The following CPM variants were observed in gnomAD, a reference collection of about 807,000 sequenced individuals.
CPM encodes renal carboxypeptidase.
Under a neutral mutation model 46.4 loss-of-function variants are expected in CPM, and 35 were observed. The ratio of observed to expected loss-of-function variants is 0.75; its 90% confidence interval spans 0.58 to 1.00. The LOEUF (loss-of-function observed/expected upper bound fraction) is 1.00. CPM is among the 50% of genes least tolerant of loss of function. The probability of loss-of-function intolerance (pLI) is 0.00; values close to 1 mark genes in which losing one functional copy is unlikely to be tolerated. For synonymous variants in CPM, 195 were observed against 195.3 expected, an observed-to-expected ratio of 1.00 and a Z score of 0.01; for missense variants, 422 against 530.4, an observed-to-expected ratio of 0.80 and a Z score of 2.01.
intron 2 of CPM, among the ~76,000 whole-genome samples, chr12:68,893,388 G>A (rs1886737713): frequency 6.6e-6 from 1 of 152,170 alleles, no homozygotes; most frequent in South Asian, 2.1e-4. Flanking sequence ...CCTCTAGCCT[G>A]CCCCAGGTCA....
At chr12:68,880,524 C>A (rs1886143347) in intron 3 of CPM, among the ~76,000 whole-genome samples, 1 of 152,158 alleles carries the variant, frequency 6.6e-6, no homozygotes, top group African/African-American at 2.4e-5. Flanking sequence ...AACTTAGTAT[C>A]CATCCCAGTG....
rs34696352 is a variant in CPM at position 68,883,933 on chromosome 12, T to TAA, written c.258+1857_258+1858dup. Among the ~76,000 whole-genome samples the TAA allele has an allele frequency of 2.8e-3, 383 of 136,682 alleles. 2 individuals carry two copies. The highest frequency in any genetic ancestry group is 9.8e-3 in the African/African-American group (355 of 36,190). 89.7% of individuals were successfully genotyped at this position (136,682 alleles called of 152,430 possible). A position where few individuals can be genotyped will look rare whatever the true frequency, so the allele number is the denominator to read the frequency against. On this transcript the variant is annotated intron_variant, in intron 3 of 8. Transcript: ENST00000551568. ...AAAATGGTGAAACCCCCATCTCTAC[T>TAA]AAAAAAAAAAAAAAATACAAAAAAA... is the stretch of plus-strand genomic sequence containing the variant.
chr12:68,874,499 C>T (rs915530424), intron 3 of CPM, among the ~76,000 whole-genome samples: 1 of 151,892 alleles, frequency 6.6e-6, no homozygotes, highest in Non-Finnish European at 1.5e-5. Context: ...GACTGTAATC[C>T]CCACTACTCA....
At chr12:68,885,321 T>C (rs1886381338) in intron 3 of CPM, among the ~76,000 whole-genome samples, 1 of 152,170 alleles carries the variant, frequency 6.6e-6, no homozygotes, top group Non-Finnish European at 1.5e-5. Flanking sequence ...ACAATGAGTG[T>C]TAGATTTAAG....
intron 1 of CPM, among the ~76,000 whole-genome samples, chr12:68,958,537 A>C (rs1361584898): frequency 1.3e-5 from 2 of 151,998 alleles, no homozygotes; most frequent in South Asian, 4.2e-4. Flanking sequence ...AATGCAATAC[A>C]TCAGGAAGTT....
chr12:68,899,651 T>C (rs1409530034), intron 2 of CPM, among the ~76,000 whole-genome samples: 1 of 152,204 alleles, frequency 6.6e-6, no homozygotes, highest in Non-Finnish European at 1.5e-5. Context: ...TGGTTCAATA[T>C]GAATCGGTCA....
At chr12:68,935,548 C>T (rs1040230053), upstream of CPM, among the ~76,000 whole-genome samples, 3 of 152,118 alleles carry the variant, frequency 2.0e-5, no homozygotes, top group Admixed American at 6.5e-5. Context: ...GCCTCAGCCT[C>T]CCAAAGTGCT....
chr12:68,908,462 T>A (rs896074115), intron 2 of CPM, among the ~76,000 whole-genome samples: 2 of 151,766 alleles, frequency 1.3e-5, no homozygotes, highest in Non-Finnish European at 2.9e-5. Flanking sequence ...TGCAAACTCC[T>A]GGGCCCACCC....
chr12:68,874,183 C>A (rs1371230277), intron 3 of CPM, among the ~76,000 whole-genome samples: 5 of 152,196 alleles, frequency 3.3e-5, no homozygotes, highest in Admixed American at 3.3e-4. Context: ...ACTTGTACAC[C>A]CCACTGGGTT....
chr12:68,853,939 G>T lies in CPM; in HGVS notation c.*2498C>A, dbSNP rs986619797. 6.6e-6 allele frequency: 1 copy of T among 151,876 alleles called. No individual in the cohort carries two copies. Among genetic ancestry groups the T allele is most frequent in the Admixed American group, 6.6e-5 (1 of 15,242 alleles). The allele number at this position is 151,876 out of a possible 1,614,324, so 9.4% of individuals were successfully genotyped here. A position where few individuals can be genotyped will look rare whatever the true frequency, so the allele number is the denominator to read the frequency against. ...AGTGCTTTACCCCTTAATTCTTATA[G>T]GTAACGGTCTAATACAGGGTAACTC... On this transcript the variant is annotated 3_prime_UTR_variant, in exon 9 of 9. Coordinates refer to ENST00000551568, the MANE Select transcript of CPM (RefSeq NM_198320.5).
At chr12:68,895,559 A>G (rs1197959498) in intron 2 of CPM, among the ~76,000 whole-genome samples, 1 of 152,196 alleles carries the variant, frequency 6.6e-6, no homozygotes, top group Non-Finnish European at 1.5e-5. Context: ...AACCAACCCA[A>G]ACCAAAATGA....
chr12:68,886,019 G>T (rs1417728877), intron 2 of CPM, 130 bp from the exon 3 acceptor site: 9 of 674,062 alleles, frequency 1.3e-5, no homozygotes, highest in Non-Finnish European at 2.3e-5. Context: ...ACTTAAGTTT[G>T]TATGACTAAC....
At chr12:68,875,803 CAAAA>C (rs34998099) in intron 3 of CPM, among the ~76,000 whole-genome samples, 2 of 110,276 alleles carry the variant, frequency 1.8e-5, no homozygotes, top group Non-Finnish European at 2.0e-5. Context: ...GACTCTGTCT[CAAAA>C]AAAAAAAAAA....
chr12:68,862,275 C>T lies in CPM; in HGVS notation c.941-3204G>A, dbSNP rs1005095033. On this transcript the variant is annotated intron_variant, in intron 7 of 8. Coordinates refer to ENST00000551568, the MANE Select transcript of CPM (RefSeq NM_198320.5). ...TTTAAATTGAAGTCTCCCTCTGTTGCCCAGGCTGGAGTGCAGTGGCACCAG... is the reference window on the plus strand; with the variant it reads ...TTTAAATTGAAGTCTCCCTCTGTTGTCCAGGCTGGAGTGCAGTGGCACCAG... Among the ~76,000 whole-genome samples the T allele has an allele frequency of 1.4e-5, 2 of 139,530 alleles. 1 individual carries two copies. The highest frequency in any genetic ancestry group is 5.6e-5 in the African/African-American group (2 of 35,660). The allele number at this position is 139,530 out of a possible 152,430, so 91.5% of individuals were successfully genotyped here.
intron 2 of CPM, among the ~76,000 whole-genome samples, chr12:68,909,402 A>G (rs998756390): frequency 1.3e-4 from 20 of 152,198 alleles, no homozygotes; most frequent in Admixed American, 9.2e-4. Flanking sequence ...TAGAATGGAA[A>G]AAAATTAGTG....
chr12:68,860,727 A>G (rs760650001), intron 7 of CPM, among the ~76,000 whole-genome samples: 1 of 152,120 alleles, frequency 6.6e-6, no homozygotes, highest in Non-Finnish European at 1.5e-5. Context: ...TTTTGATTTG[A>G]ATTCTAGTTC....
intron 2 of CPM, among the ~76,000 whole-genome samples, chr12:68,917,956 C>T (rs1887878736): frequency 6.6e-6 from 1 of 152,180 alleles, no homozygotes; most frequent in African/African-American, 2.4e-5. Flanking sequence ...AAGCCTACTA[C>T]GACTTCTCTA....
chr12:68,845,187 A>G, intron 5 of CPM: 1 of 214,414 alleles, frequency 4.7e-6, no homozygotes, highest in East Asian at 6.6e-5. Flanking sequence ...GCTGAATTAC[A>G]TTTTGATTTG....
Position 68,859,061 on chromosome 12 carries a change from AC to A in CPM, c.950del (p.Gly317ValfsTer14). ...GATTTCCATTCTGATCAAAAACTTG[AC>A]CCTTTACACCTGCAAGACAAAAATA... ...YIKQVHLGVK[G>X]QVFDQNGNPL... On this transcript the variant is annotated frameshift_variant, in exon 8 of 9. Coordinates refer to ENST00000551568, the MANE Select transcript of CPM (RefSeq NM_198320.5). LOFTEE classifies it high-confidence loss of function. 1 of 1,493,438 alleles carries A rather than the reference AC, an allele frequency of 6.7e-7. No homozygotes were observed. The highest frequency in any genetic ancestry group is 8.9e-7 in the Non-Finnish European group (1 of 1,125,628). 92.5% of individuals were successfully genotyped at this position (1,493,438 alleles called of 1,614,324 possible). A position where few individuals can be genotyped will look rare whatever the true frequency, so the allele number is the denominator to read the frequency against.
Sources: gnomAD v4.1 joint callset for allele counts (sites outside exome capture counted in the v4.1 genomes callset) on GRCh38, gnomAD v4.1.1 for gene constraint, MANE v1.5 for transcripts, NCBI Gene and HGNC (gene_info 2026-07-23, HGNC 2026-07-21) for gene names.